Variants in MTA3 observed in about 807,000 individuals in gnomAD.
The protein encoded by MTA3 is metastasis-associated protein MTA3.
A neutral mutation model predicts 83.5 loss-of-function variants in MTA3; 34 were observed. That is an observed-to-expected ratio of 0.41 (90% CI 0.31 to 0.54). The LOEUF (loss-of-function observed/expected upper bound fraction) is 0.54. Ranked by LOEUF, MTA3 falls within the 20% of genes least tolerant of loss-of-function variation. MTA3 has a pLI of 0.33. For synonymous variants in MTA3, 303 were observed against 252.7 expected (o/e 1.20, Z -1.89); for missense variants, 761 against 726.4 (o/e 1.05, Z -0.55).
chr2:42,746,547 C>A (rs1024889731), intron 16 of MTA3, among the ~76,000 whole-genome samples: 18 of 152,134 alleles, frequency 1.2e-4, no homozygotes, highest in Admixed American at 1.1e-3. Flanking sequence ...TCTCCCAGTC[C>A]CACAAGACTG....
intron 2 of MTA3, among the ~76,000 whole-genome samples, chr2:42,510,226 T>G (rs1487360769): frequency 6.9e-6 from 1 of 145,028 alleles, no homozygotes; most frequent in Non-Finnish European, 1.5e-5. Context: ...CTCGGGAGGG[T>G]GAGGCAGGAG....
At chr2:42,616,621 C>T (rs186660878) in intron 4 of MTA3, among the ~76,000 whole-genome samples, 56 of 143,748 alleles carry the variant, frequency 3.9e-4, no homozygotes, top group African/African-American at 1.4e-3. Flanking sequence ...CTCTGTCACC[C>T]AGGCTGGAAT....
chr2:42,670,216 G>A (rs535498487), intron 8 of MTA3, among the ~76,000 whole-genome samples: 19 of 150,966 alleles, frequency 1.3e-4, no homozygotes, highest in South Asian at 1.0e-3. Context: ...CTGAGATTGC[G>A]CCATTGCACG....
At chr2:42,669,297 T>A (rs1690581923) in intron 8 of MTA3, among the ~76,000 whole-genome samples, 1 of 152,148 alleles carries the variant, frequency 6.6e-6, no homozygotes, top group African/African-American at 2.4e-5. Context: ...TTTGCCAGGC[T>A]GGTCTCAAAC....
chr2:42,683,273 C>G (rs556045423), intron 9 of MTA3, among the ~76,000 whole-genome samples: 2 of 152,160 alleles, frequency 1.3e-5, no homozygotes, highest in Non-Finnish European at 2.9e-5. Flanking sequence ...CTGTATTTTT[C>G]TAGTTGTCTT....
chr2:42,532,094 A>T (rs913610352), intron 2 of MTA3, among the ~76,000 whole-genome samples: 1 of 152,192 alleles, frequency 6.6e-6, no homozygotes, highest in African/African-American at 2.4e-5. Flanking sequence ...TGAGTATTAA[A>T]CTTTCCCTGA....
chr2:42,529,357 A>C (rs547334057), intron 2 of MTA3, among the ~76,000 whole-genome samples: 1 of 152,086 alleles, frequency 6.6e-6, no homozygotes, highest in Admixed American at 6.6e-5. Flanking sequence ...TTCTAGACCA[A>C]AGGAATTGGC....
chr2:42,693,507 G>A (rs2104465273), intron 9 of MTA3, among the ~76,000 whole-genome samples: 1 of 152,248 alleles, frequency 6.6e-6, no homozygotes, highest in Middle Eastern at 3.4e-3. Flanking sequence ...GGGCCTCCCT[G>A]TGGACACCAA....
chr2:42,678,962 A>G (rs1691630907), intron 8 of MTA3, among the ~76,000 whole-genome samples: 1 of 152,114 alleles, frequency 6.6e-6, no homozygotes, highest in Admixed American at 6.5e-5. Flanking sequence ...ATACATTCTC[A>G]TTTGACCCTC....
At chr2:42,585,476 C>CTTTTTTTTT (rs35808147) in intron 3 of MTA3, among the ~76,000 whole-genome samples, 4 of 119,036 alleles carry the variant, frequency 3.4e-5, no homozygotes, top group Non-Finnish European at 5.1e-5. Flanking sequence ...TCTTTCTTTT[C>CTTTTTTTTT]TTTTTTTTTT....
upstream of MTA3, among the ~76,000 whole-genome samples, chr2:42,566,492 C>T (rs1433434673): frequency 6.6e-6 from 1 of 151,830 alleles, no homozygotes; most frequent in Non-Finnish European, 1.5e-5. Flanking sequence ...GAATCTAGAG[C>T]AAAAAACGGT....
chr2:42,638,349 C>G (rs953112196), intron 4 of MTA3, among the ~76,000 whole-genome samples: 2 of 151,980 alleles, frequency 1.3e-5, no homozygotes, highest in East Asian at 1.9e-4. Flanking sequence ...TCCCTAGTTG[C>G]AATTCTGTCC....
intron 6 of MTA3, among the ~76,000 whole-genome samples, chr2:42,655,943 C>T (rs1689133369): frequency 6.6e-6 from 1 of 152,210 alleles, no homozygotes; most frequent in South Asian, 2.1e-4. Context: ...ATGGCACTTA[C>T]TGCCTCTCAC....
At chr2:42,552,097 G>A (rs7574311) in intron 2 of MTA3, among the ~76,000 whole-genome samples, 2,078 of 152,080 alleles carry the variant, frequency 0.014, 50 homozygotes, top group African/African-American at 0.047. Flanking sequence ...GGCTCAAGCA[G>A]TCCTCCCACC....
intron 9 of MTA3, 127 bp from the exon 10 acceptor site, chr2:42,695,634 CAAAA>C (rs70963347): frequency 5.0e-3 from 647 of 130,152 alleles, no homozygotes; most frequent in South Asian, 7.7e-3. Flanking sequence ...CAGTCTATCT[CAAAA>C]AAAAAAAAAA....
intron 15 of MTA3, among the ~76,000 whole-genome samples, chr2:42,720,527 C>T (rs1366610946): frequency 6.6e-6 from 1 of 151,978 alleles, no homozygotes; most frequent in East Asian, 1.9e-4. Context: ...TTTGATATCC[C>T]CTGAAAATGT....
chr2:42,717,255 G>T (rs189325409), intron 14 of MTA3, among the ~76,000 whole-genome samples: 3 of 150,706 alleles, frequency 2.0e-5, no homozygotes, highest in Admixed American at 1.3e-4. Context: ...ATTCCTGTGG[G>T]TATCAAAGGA....
At chr2:42,724,447 C>T (rs897527526) in intron 16 of MTA3, among the ~76,000 whole-genome samples, 2 of 151,826 alleles carry the variant, frequency 1.3e-5, no homozygotes, top group Non-Finnish European at 2.9e-5. Context: ...CGCAGGAATT[C>T]GAGACCAGCC....
At chr2:42,618,754 T>G (rs1454091171) in intron 4 of MTA3, among the ~76,000 whole-genome samples, 1 of 152,132 alleles carries the variant, frequency 6.6e-6, no homozygotes, top group Non-Finnish European at 1.5e-5. Flanking sequence ...ACTACAGGCA[T>G]GTACCACTAT....
Sources: gnomAD v4.1 joint callset for allele counts (sites outside exome capture counted in the v4.1 genomes callset) on GRCh38, gnomAD v4.1.1 for gene constraint, MANE v1.5 for transcripts, NCBI Gene and HGNC (gene_info 2026-07-23, HGNC 2026-07-21) for gene names.